Variants in CCNY observed in about 807,000 individuals in gnomAD.
CCNY encodes the protein cyclin Y, also known as cyclin-Y.
A neutral mutation model predicts 42.8 loss-of-function variants in CCNY; 19 were observed. The ratio of observed to expected loss-of-function variants is 0.44; its 90% CI spans 0.31 to 0.65. The LOEUF (loss-of-function observed/expected upper bound fraction) is 0.65. CCNY is among the 30% of genes least tolerant of loss of function. The probability of loss-of-function intolerance (pLI) is 0.07; values close to 1 mark genes in which losing one functional copy is unlikely to be tolerated. For synonymous variants in CCNY, 165 were observed against 162.7 expected, an observed-to-expected ratio of 1.01 and a Z score of -0.11; for missense variants, 370 against 437.3, an observed-to-expected ratio of 0.85 and a Z score of 1.37.
At chr10:35,523,229 A>G (rs1348181583) in intron 4 of CCNY, among the ~76,000 whole-genome samples, 1 of 152,216 alleles carries the variant, frequency 6.6e-6, no homozygotes, top group Non-Finnish European at 1.5e-5. Flanking sequence ...AGCAGTTGAA[A>G]TATTGCAGAC....
chr10:35,557,628 C>T (rs1407230001), intron 8 of CCNY, among the ~76,000 whole-genome samples: 1 of 152,080 alleles, frequency 6.6e-6, no homozygotes, highest in African/African-American at 2.4e-5. Context: ...TGGTGGCGCT[C>T]ACCTGTAGTC....
At chr10:35,557,378 G>A (rs1449623034) in intron 8 of CCNY, among the ~76,000 whole-genome samples, 3 of 152,146 alleles carry the variant, frequency 2.0e-5, no homozygotes, top group Non-Finnish European at 4.4e-5. Flanking sequence ...CAAAATTGCA[G>A]TAGTGTTTTC....
At chr10:35,282,463 C>T (rs907540197) in intron 3 of CCNY, among the ~76,000 whole-genome samples, 4 of 151,928 alleles carry the variant, frequency 2.6e-5, no homozygotes, top group Non-Finnish European at 5.9e-5. Flanking sequence ...CACGGTGGCT[C>T]ATGCCTATAA....
At chr10:35,260,615 G>A (rs529114487) in intron 3 of CCNY, among the ~76,000 whole-genome samples, 10 of 152,340 alleles carry the variant, frequency 6.6e-5, no homozygotes, top group African/African-American at 2.4e-4. Flanking sequence ...TGCCCCATCT[G>A]AGGTCAATCA....
chr10:35,312,606 T>C (rs1835700687), intron 3 of CCNY, among the ~76,000 whole-genome samples: 1 of 152,004 alleles, frequency 6.6e-6, no homozygotes, highest in Admixed American at 6.6e-5. Context: ...TAGAAGGTTT[T>C]ATTTTACCTC....
At chr10:35,303,889 A>G (rs1292766854) in intron 3 of CCNY, among the ~76,000 whole-genome samples, 1 of 152,082 alleles carries the variant, frequency 6.6e-6, no homozygotes, top group Non-Finnish European at 1.5e-5. Flanking sequence ...AGTCTTTCAA[A>G]TTTTCCTAAT....
chr10:35,544,189 ACACTCACTCAC>A (rs1377775903), intron 7 of CCNY, among the ~76,000 whole-genome samples: 24 of 152,212 alleles, frequency 1.6e-4, no homozygotes, highest in Admixed American at 1.5e-3. Context: ...CCTAGGATTC[ACACTCACTCAC>A]CACTCACTCA....
chr10:35,320,543 T>A (rs1485672090), intron 3 of CCNY, among the ~76,000 whole-genome samples: 1 of 152,194 alleles, frequency 6.6e-6, no homozygotes, highest in Non-Finnish European at 1.5e-5. Flanking sequence ...GAATGCTTTC[T>A]CCTCAGATTG....
chr10:35,251,809 G>C (rs1366397676), intron 3 of CCNY, among the ~76,000 whole-genome samples: 2 of 149,408 alleles, frequency 1.3e-5, no homozygotes, highest in African/African-American at 4.9e-5. Flanking sequence ...GGCTGGTCTT[G>C]AACCCCTGGG....
At chr10:35,547,387 A>G (rs1037887534) in intron 7 of CCNY, among the ~76,000 whole-genome samples, 1 of 151,964 alleles carries the variant, frequency 6.6e-6, no homozygotes, top group African/African-American at 2.4e-5. Flanking sequence ...ACCCTTGGAA[A>G]CCCCCACAAA....
intron 1 of CCNY, among the ~76,000 whole-genome samples, chr10:35,403,612 A>T (rs939958512): frequency 1.3e-5 from 2 of 152,168 alleles, no homozygotes; most frequent in African/African-American, 4.8e-5. Context: ...AGGATTAATG[A>T]TGGAGGACCC....
At chr10:35,278,745 T>C (rs560772201) in intron 3 of CCNY, among the ~76,000 whole-genome samples, 1 of 152,088 alleles carries the variant, frequency 6.6e-6, no homozygotes, top group East Asian at 1.9e-4. Flanking sequence ...GGAATACCCT[T>C]GGGCAAGGCA....
chr10:35,559,444 C>T (rs1428974415), intron 8 of CCNY, among the ~76,000 whole-genome samples: 1 of 152,192 alleles, frequency 6.6e-6, no homozygotes, highest in Non-Finnish European at 1.5e-5. Context: ...TATTTAGTAA[C>T]AAGGAACCAA....
intron 1 of CCNY, among the ~76,000 whole-genome samples, chr10:35,384,204 C>G (rs1042185767): frequency 2.0e-5 from 3 of 151,872 alleles, no homozygotes; most frequent in African/African-American, 7.3e-5. Context: ...AGGACAATGA[C>G]GGGGATTAAA....
At chr10:35,558,575 A>G (rs1841405834) in intron 8 of CCNY, among the ~76,000 whole-genome samples, 1 of 152,208 alleles carries the variant, frequency 6.6e-6, no homozygotes, top group African/African-American at 2.4e-5. Flanking sequence ...TCAGAATGTG[A>G]CCATATTTGG....
intron 1 of CCNY, among the ~76,000 whole-genome samples, chr10:35,443,630 C>T (rs1838722659): frequency 3.3e-5 from 5 of 152,126 alleles, no homozygotes. Context: ...CTCTTAGAAG[C>T]AAAATTTACT....
chr10:35,324,655 T>C (rs892954635), intron 3 of CCNY, among the ~76,000 whole-genome samples: 5 of 152,206 alleles, frequency 3.3e-5, no homozygotes, highest in Admixed American at 6.5e-5. Context: ...TTTAGTAGTC[T>C]AGAGAGGCCT....
chr10:35,474,706 A>G (rs1231347297), intron 1 of CCNY, among the ~76,000 whole-genome samples: 4 of 152,084 alleles, frequency 2.6e-5, no homozygotes, highest in Admixed American at 6.5e-5. Flanking sequence ...AAAAAACAGA[A>G]CAGAAAAACT....
intron 1 of CCNY, among the ~76,000 whole-genome samples, chr10:35,470,028 G>A (rs575323551): frequency 3.8e-4 from 54 of 142,224 alleles, no homozygotes; most frequent in African/African-American, 1.4e-3. Flanking sequence ...AGGGAGATAG[G>A]GCAGTGGAGA....
Sources: gnomAD v4.1 joint callset for allele counts (sites outside exome capture counted in the v4.1 genomes callset) on GRCh38, gnomAD v4.1.1 for gene constraint, MANE v1.5 for transcripts, NCBI Gene and HGNC (gene_info 2026-07-23, HGNC 2026-07-21) for gene names.